Variants in REEP5 observed in about 807,000 individuals in gnomAD.
The protein encoded by REEP5 is receptor accessory protein 5.
In REEP5, 24 loss-of-function variants were observed where a neutral mutation model predicts 22.4. The ratio of observed to expected loss-of-function variants is 1.07; its 90% CI spans 0.78 to 1.51. The LOEUF (loss-of-function observed/expected upper bound fraction) is 1.51, where lower values mean the gene tolerates loss of function less well. Ranked by LOEUF, REEP5 falls within the 40% of genes most tolerant of loss-of-function variation. The pLI is 0.00. For synonymous variants in REEP5, 103 were observed against 88.6 expected (o/e 1.16, Z -0.92); for missense variants, 252 against 233.0 (o/e 1.08, Z -0.53).
chr5:112,895,314 TTTCTC>T (rs1249998022), intron 3 of REEP5: 1 of 151,190 alleles, frequency 6.6e-6, no homozygotes, highest in African/African-American at 2.4e-5. Context: ...AAGAGACAGT[TTTCTC>T]TTCTGCAGAG....
chr5:112,899,814 T>G (rs1299146546), intron 3 of REEP5, among the ~76,000 whole-genome samples: 2 of 152,240 alleles, frequency 1.3e-5, no homozygotes, highest in South Asian at 2.1e-4. Flanking sequence ...TAAAAGTGTT[T>G]CGGGTTTCAC....
At chr5:112,889,970 G>A (rs1333042551) in intron 3 of REEP5, among the ~76,000 whole-genome samples, 2 of 150,236 alleles carry the variant, frequency 1.3e-5, no homozygotes, top group African/African-American at 5.0e-5. Context: ...GGGACTGCAG[G>A]CAAACACCAC....
At chr5:112,892,884 C>T in intron 3 of REEP5, 1 of 1,612,340 alleles carries the variant, frequency 6.2e-7, no homozygotes. Flanking sequence ...CTCACAAACG[C>T]ACATCAAAGA....
chr5:112,885,117 G>T, intron 4 of REEP5: 1 of 163,108 alleles, frequency 6.1e-6, no homozygotes, highest in South Asian at 1.5e-4. Context: ...GCTTCTGTCT[G>T]GTCAGCCTGC....
At chr5:112,904,825 GA>G (rs941114601) in intron 2 of REEP5, among the ~76,000 whole-genome samples, 46 of 151,110 alleles carry the variant, frequency 3.0e-4, no homozygotes, top group African/African-American at 9.7e-4. Context: ...GCTCTTCTAG[GA>G]AAAAAAAATT....
chr5:112,911,661 T>C (rs765201111), intron 2 of REEP5, among the ~76,000 whole-genome samples: 1 of 152,236 alleles, frequency 6.6e-6, no homozygotes, highest in Non-Finnish European at 1.5e-5. Context: ...TATTTCTGTT[T>C]TGAGTTCTTG....
intron 2 of REEP5, among the ~76,000 whole-genome samples, chr5:112,912,017 G>C (rs1769115169): frequency 6.6e-6 from 1 of 152,156 alleles, no homozygotes; most frequent in Non-Finnish European, 1.5e-5. Context: ...CTATGATTAA[G>C]TCAATTTTCC....
At chr5:112,897,472 A>G (rs1768727735) in intron 3 of REEP5, 1 of 152,196 alleles carries the variant, frequency 6.6e-6, no homozygotes, top group South Asian at 2.1e-4. Context: ...AATCTGGCAC[A>G]TGGAGGTTCT....
chr5:112,918,825 C>A (rs1404767212), intron 2 of REEP5, among the ~76,000 whole-genome samples: 1 of 152,208 alleles, frequency 6.6e-6, no homozygotes, highest in East Asian at 1.9e-4. Flanking sequence ...CAGGGCCTGA[C>A]ACACTCTTCT....
intron 3 of REEP5, chr5:112,891,481 T>C: frequency 1.0e-6 from 1 of 982,872 alleles, no homozygotes. Flanking sequence ...AGAAACAAAA[T>C]GAAAGTAATT....
At chr5:112,917,474 A>T (rs905976470) in intron 2 of REEP5, among the ~76,000 whole-genome samples, 10 of 152,270 alleles carry the variant, frequency 6.6e-5, no homozygotes, top group African/African-American at 2.4e-4. Flanking sequence ...GAGGAAAAGT[A>T]ATAGACATTT....
At position 112,878,373 on chromosome 5, in the gene REEP5, G is replaced by GAATT. The variant is rs1249706236; in HGVS notation, c.*409_*412dup. The GAATT allele has an allele frequency of 6.0e-6, 1 of 166,424 alleles. No homozygotes were observed. Among genetic ancestry groups the GAATT allele is most frequent in the African/African-American group, 2.4e-5 (1 of 41,732 alleles). The allele number at this position is 166,424 out of a possible 1,614,324, so 10.3% of individuals were successfully genotyped here. The stretch of plus-strand genomic sequence containing the variant: ...GCACAAATACATTAAAAACATTTCA[G>GAATT]AATTATATAAAATTGTACATTACAG... On this transcript the variant is annotated 3_prime_UTR_variant, in exon 5 of 5. Transcript: ENST00000379638.
In REEP5 at chr5:112,920,366, A is replaced by G. The variant is rs575224075; in HGVS notation, c.212+797T>C. Among the ~76,000 whole-genome samples, 8 of 152,360 alleles carry G rather than the reference A, an allele frequency of 5.3e-5. No homozygotes were observed. The East Asian group carries it at 1.3e-3, about 26-fold the overall frequency. ...TGGTTGAAGAAAGTAGCAGAGACCA[A>G]CTGAATGAAGGTAAAAACCACTGGC... On this transcript the variant is annotated intron_variant, in intron 2 of 4. Transcript: ENST00000379638.
intron 3 of REEP5, among the ~76,000 whole-genome samples, chr5:112,888,077 A>G (rs1316286908): frequency 1.3e-5 from 2 of 152,234 alleles, no homozygotes; most frequent in Non-Finnish European, 2.9e-5. Flanking sequence ...TGACTCTACA[A>G]AAAAACAGAA....
At chr5:112,887,331 T>C in intron 3 of REEP5, 148 bp from the exon 4 acceptor site, 1 of 721,058 alleles carries the variant, frequency 1.4e-6, no homozygotes, top group Non-Finnish European at 2.0e-6. Context: ...AGGTTAAAGG[T>C]GGGCTTTCTT....
chr5:112,899,926 T>C (rs1280003760), intron 3 of REEP5, among the ~76,000 whole-genome samples: 1 of 152,258 alleles, frequency 6.6e-6, no homozygotes, highest in East Asian at 1.9e-4. Context: ...TTGATCATTA[T>C]GTGGGCACTC....
chr5:112,911,272 T>C (rs1235065460), intron 2 of REEP5, among the ~76,000 whole-genome samples: 1 of 152,206 alleles, frequency 6.6e-6, no homozygotes, highest in African/African-American at 2.4e-5. Context: ...TCCAGACTTC[T>C]TACATGAGGT....
rs1354120631 is a variant in REEP5 at position 112,922,212 on chromosome 5, C to T, written c.-22G>A. The T allele has an allele frequency of 1.9e-6, 3 of 1,595,796 alleles. No homozygotes were observed. Among genetic ancestry groups the T allele is most frequent in the African/African-American group, 1.4e-5 (1 of 73,418 alleles). ...ACATGGCGGGGACCGTCTCGCCGCT[C>T]GGGGCTGTTCCTAGTGCCGGATAGA... On this transcript the variant is annotated 5_prime_UTR_variant, in exon 1 of 5. Coordinates refer to ENST00000379638, the MANE Select transcript of REEP5 (RefSeq NM_005669.5).
chr5:112,910,523 T>A (rs997900153), intron 2 of REEP5, among the ~76,000 whole-genome samples: 4 of 152,242 alleles, frequency 2.6e-5, no homozygotes, highest in African/African-American at 4.8e-5. Flanking sequence ...ACCAGATTTT[T>A]AAAACTATTT....
Sources: gnomAD v4.1 joint callset for allele counts (sites outside exome capture counted in the v4.1 genomes callset) on GRCh38, gnomAD v4.1.1 for gene constraint, MANE v1.5 for transcripts, NCBI Gene and HGNC (gene_info 2026-07-23, HGNC 2026-07-21) for gene names.